The following EML1 variants were observed in gnomAD, a reference collection of about 807,000 sequenced individuals.
The protein encoded by EML1 is EMAP like 1.
Under a neutral mutation model 110.4 loss-of-function variants are expected in EML1, and 27 were observed. The observed-to-expected ratio is 0.24, with a 90% CI of 0.18 to 0.34. EML1 has a LOEUF of 0.34. Among genes scored for constraint, EML1 ranks in the 10% least tolerant of loss-of-function variants. The pLI, the probability that EML1 is intolerant of heterozygous loss-of-function variation, is 1.00. For missense variants in EML1, 741 were observed against 1,030.9 expected (o/e 0.72, Z 3.85); for synonymous variants, 344 against 385.8 (o/e 0.89, Z 1.27).
intron 1 of EML1, among the ~76,000 whole-genome samples, chr14:99,824,982 A>T (rs1179719491): frequency 6.6e-6 from 1 of 152,024 alleles, no homozygotes; most frequent in Non-Finnish European, 1.5e-5. Flanking sequence ...GTAATATTCC[A>T]GGGTCATTTT....
intron 1 of EML1, among the ~76,000 whole-genome samples, chr14:99,780,605 A>G (rs1485398689): frequency 6.6e-6 from 1 of 152,178 alleles, no homozygotes; most frequent in Non-Finnish European, 1.5e-5. Context: ...TTATGTTGCC[A>G]ACAAGTGCCA....
chr14:99,870,235 C>T (rs2059173681), intron 3 of EML1, among the ~76,000 whole-genome samples: 1 of 152,188 alleles, frequency 6.6e-6, no homozygotes, highest in Admixed American at 6.5e-5. Flanking sequence ...TTCCCTTAAG[C>T]CAAAGCCTAA....
At chr14:99,751,377 C>A in intron 1 of EML1, among the ~76,000 whole-genome samples, 1 of 152,190 alleles carries the variant, frequency 6.6e-6, no homozygotes, top group East Asian at 1.9e-4. Context: ...AGCACGGAAG[C>A]AGAGGCAGCA....
intron 20 of EML1, 117 bp downstream of exon 20, chr14:99,938,029 G>T (rs561291301): frequency 2.8e-6 from 3 of 1,054,882 alleles, no homozygotes; most frequent in East Asian, 5.3e-5. Context: ...CGGCTGCTAC[G>T]GGAGGCCCAT....
chr14:99,786,011 C>G (rs138888831), intron 1 of EML1, among the ~76,000 whole-genome samples: 1 of 146,340 alleles, frequency 6.8e-6, no homozygotes, highest in African/African-American at 2.6e-5. Flanking sequence ...ACATTCACGG[C>G]TAGTTCACGG....
upstream of EML1, chr14:99,793,373 C>T (rs1160712531): frequency 1.0e-6 from 1 of 992,870 alleles, no homozygotes; most frequent in East Asian, 1.1e-4. Flanking sequence ...ACAGCAGGGC[C>T]GGCCCCAGCG....
Position 99,936,353 on chromosome 14 carries a change from T to C in EML1, c.2095+19T>C. On this transcript the variant is annotated intron_variant, in intron 19 of 21. Transcript: ENST00000262233. The surrounding 1 kb of genome is among the most constrained non-coding windows in gnomAD (Gnocchi z 5.5). Reference sequence around the variant, plus strand: ...CTCTACTGTGAGTACCACCCCGGGGTTGTATGAAGTCTCGATCTCAGAAAG... The same window carrying C: ...CTCTACTGTGAGTACCACCCCGGGGCTGTATGAAGTCTCGATCTCAGAAAG... 6.2e-7 allele frequency: 1 copy of C among 1,608,032 alleles called. No individual in the cohort carries two copies. The highest frequency in any genetic ancestry group is 8.5e-7 in the Non-Finnish European group (1 of 1,176,216).
chr14:99,909,725 CAG>C (rs1012764324), intron 11 of EML1, among the ~76,000 whole-genome samples: 1 of 152,314 alleles, frequency 6.6e-6, no homozygotes, highest in Non-Finnish European at 1.5e-5. Flanking sequence ...GCACTGGCTG[CAG>C]AGAGTATCAG....
chr14:99,860,703 T>A (rs1239538439), intron 2 of EML1, among the ~76,000 whole-genome samples: 2 of 152,134 alleles, frequency 1.3e-5, no homozygotes, highest in African/African-American at 2.4e-5. Context: ...AACCCAAGGA[T>A]GTTATCAAGA....
At chr14:99,926,837 A>AAGC (rs2060243100) in intron 17 of EML1, among the ~76,000 whole-genome samples, 1 of 151,722 alleles carries the variant, frequency 6.6e-6, no homozygotes, top group Non-Finnish European at 1.5e-5. Flanking sequence ...TCTATCCCTC[A>AAGC]AGCTCAAGCA....
exon 1 of EML1, chr14:99,773,203 A>T (rs2057444354): frequency 6.6e-6 from 1 of 152,310 alleles, no homozygotes; most frequent in African/African-American, 2.4e-5. Flanking sequence ...AAATAAAGAC[A>T]TTCAAAAGTA....
chr14:99,851,490 G>A (rs1202836920), intron 2 of EML1, among the ~76,000 whole-genome samples: 3 of 152,010 alleles, frequency 2.0e-5, no homozygotes, highest in Non-Finnish European at 4.4e-5. Flanking sequence ...TGTATTTTTA[G>A]TGGAGACAGA....
At chr14:99,873,871 A>G (rs558626236) in intron 3 of EML1, among the ~76,000 whole-genome samples, 36 of 152,354 alleles carry the variant, frequency 2.4e-4, no homozygotes, top group African/African-American at 7.9e-4. Context: ...ACCCTCCAGC[A>G]CTCAGCATAG....
At chr14:99,935,713 G>A (rs1250829900) in intron 17 of EML1, among the ~76,000 whole-genome samples, 1 of 146,724 alleles carries the variant, frequency 6.8e-6, no homozygotes, top group Non-Finnish European at 1.5e-5. Context: ...AACCCGGGAG[G>A]CAGAGCTTGC....
chr14:99,765,510 A>G (rs1260282143), intron 1 of EML1, among the ~76,000 whole-genome samples: 1 of 152,142 alleles, frequency 6.6e-6, no homozygotes, highest in Non-Finnish European at 1.5e-5. Flanking sequence ...TTTCATTTAT[A>G]TATCCTCAAG....
At chr14:99,768,721 T>TC, upstream of EML1, among the ~76,000 whole-genome samples, 1 of 151,254 alleles carries the variant, frequency 6.6e-6, no homozygotes, top group East Asian at 1.9e-4. Context: ...TGTGGTCTTT[T>TC]TTTTTTTTTT....
intron 20 of EML1, among the ~76,000 whole-genome samples, chr14:99,938,483 C>G (rs566437979): frequency 6.6e-6 from 1 of 152,224 alleles, no homozygotes; most frequent in African/African-American, 2.4e-5. Context: ...GTCGAAAACC[C>G]AACGTGCATC....
intron 1 of EML1, among the ~76,000 whole-genome samples, chr14:99,760,778 C>T: frequency 6.6e-6 from 1 of 152,140 alleles, no homozygotes; most frequent in East Asian, 1.9e-4. Context: ...GTGTGTGGCA[C>T]CACTGGTCCC....
intron 1 of EML1, among the ~76,000 whole-genome samples, chr14:99,777,795 GTTTGT>G (rs1192585872): frequency 6.6e-6 from 1 of 152,114 alleles, no homozygotes; most frequent in African/African-American, 2.4e-5. Context: ...TTGTGGGGCA[GTTTGT>G]TTTGTTTTGT....
Sources: gnomAD v4.1 joint callset for allele counts (sites outside exome capture counted in the v4.1 genomes callset) on GRCh38, gnomAD v4.1.1 for gene constraint, Gnocchi (gnomAD v3.1) non-coding constraint, MANE v1.5 for transcripts, NCBI Gene and HGNC (gene_info 2026-07-23, HGNC 2026-07-21) for gene names.